Variants in PDE4D observed in about 807,000 individuals in gnomAD.
The protein encoded by PDE4D is 3',5'-cyclic-AMP phosphodiesterase 4D.
PDE4D carries 24 observed loss-of-function variants against 87.4 expected under a neutral mutation model. That is an observed-to-expected ratio of 0.27 (90% confidence interval 0.20 to 0.39). The LOEUF (loss-of-function observed/expected upper bound fraction) is 0.39. Ranked by LOEUF, PDE4D falls within the 10% of genes least tolerant of loss-of-function variation. PDE4D has a pLI of 1.00. For synonymous variants in PDE4D, 384 were observed against 383.2 expected (o/e 1.00, Z -0.02); for missense variants, 714 against 1,041.0 (o/e 0.69, Z 4.32).
intron 2 of PDE4D, among the ~76,000 whole-genome samples, chr5:60,096,010 T>C (rs1387755959): frequency 5.9e-5 from 9 of 152,154 alleles, no homozygotes; most frequent in Non-Finnish European, 1.0e-4. Context: ...GTCAGATGGA[T>C]AGATTCCAAA....
intron 2 of PDE4D, among the ~76,000 whole-genome samples, chr5:60,027,880 A>G (rs1230156801): frequency 3.9e-5 from 6 of 152,364 alleles, no homozygotes; most frequent in Non-Finnish European, 8.8e-5. Flanking sequence ...GAACTGTGCC[A>G]TCAAATAACT....
intron 1 of PDE4D, among the ~76,000 whole-genome samples, chr5:60,244,680 C>G (rs183120791): frequency 5.9e-5 from 9 of 151,910 alleles, no homozygotes; most frequent in Admixed American, 5.9e-4. Context: ...AACAACAATG[C>G]CAAGAACATA....
chr5:59,024,767 A>G (rs575452244), intron 6 of PDE4D, among the ~76,000 whole-genome samples: 1 of 152,334 alleles, frequency 6.6e-6, no homozygotes, highest in South Asian at 2.1e-4. Context: ...AAACCCAATT[A>G]TCACTTACCC....
chr5:60,100,600 AAAG>A (rs1210298527), intron 2 of PDE4D, among the ~76,000 whole-genome samples: 10 of 152,050 alleles, frequency 6.6e-5, no homozygotes, highest in African/African-American at 2.4e-4. Context: ...TTGGGAAACA[AAAG>A]AAGAATACCT....
chr5:60,263,295 T>C (rs988499756), intron 1 of PDE4D, among the ~76,000 whole-genome samples: 4 of 152,194 alleles, frequency 2.6e-5, no homozygotes, highest in African/African-American at 9.7e-5. Flanking sequence ...TTTAAAATAA[T>C]GATTTGATTT....
chr5:60,038,883 T>C (rs1296305971), intron 2 of PDE4D, among the ~76,000 whole-genome samples: 5 of 151,152 alleles, frequency 3.3e-5, no homozygotes, highest in African/African-American at 1.2e-4. Context: ...AAAACCACAA[T>C]GAGATACCAT....
intron 1 of PDE4D, among the ~76,000 whole-genome samples, chr5:60,294,395 C>T (rs896167367): frequency 2.0e-5 from 3 of 151,968 alleles, no homozygotes; most frequent in Non-Finnish European, 2.9e-5. Flanking sequence ...TACTCATTTA[C>T]GTATGTCTTT....
intron 1 of PDE4D, among the ~76,000 whole-genome samples, chr5:59,671,871 C>T (rs1747271953): frequency 6.6e-6 from 1 of 151,274 alleles, no homozygotes; most frequent in African/African-American, 2.4e-5. Flanking sequence ...ATTAAAAGCA[C>T]TACTTATGAT....
chr5:59,079,848 G>GGAGAGGAGAGGAGAGAAGAGGAGA (rs1561447222), intron 5 of PDE4D, among the ~76,000 whole-genome samples: 1 of 97,910 alleles, frequency 1.0e-5, no homozygotes, highest in African/African-American at 4.2e-5. Context: ...GGGAGAGGAG[G>GGAGAGGAGAGGAGAGAAGAGGAGA]GGAGAGGAGA....
chr5:59,350,977 C>A (rs146238743), intron 1 of PDE4D, among the ~76,000 whole-genome samples: 12 of 152,260 alleles, frequency 7.9e-5, no homozygotes, highest in South Asian at 2.1e-4. Flanking sequence ...TATAAGCCAG[C>A]TCTATTGTAC....
At chr5:59,398,065 G>C (rs1275046512) in intron 1 of PDE4D, among the ~76,000 whole-genome samples, 1 of 141,192 alleles carries the variant, frequency 7.1e-6, no homozygotes, top group Non-Finnish European at 1.5e-5. Context: ...CCAATAACAG[G>C]ATCTGAAATT....
intron 1 of PDE4D, among the ~76,000 whole-genome samples, chr5:60,423,892 G>C (rs1743379825): frequency 6.6e-6 from 1 of 152,188 alleles, no homozygotes. Context: ...ACTACCATCA[G>C]AGAATACTAT....
chr5:59,589,883 AT>A (rs1366109047), intron 1 of PDE4D, among the ~76,000 whole-genome samples: 2 of 152,192 alleles, frequency 1.3e-5, no homozygotes, highest in African/African-American at 4.8e-5. Flanking sequence ...TTGGATTTTT[AT>A]TTTTATACAT....
At chr5:59,918,069 G>A (rs1754268455) in intron 3 of PDE4D, among the ~76,000 whole-genome samples, 1 of 151,562 alleles carries the variant, frequency 6.6e-6, no homozygotes, top group Admixed American at 6.6e-5. Flanking sequence ...AAATTTGTGG[G>A]ATAAATTTGG....
intron 1 of PDE4D, among the ~76,000 whole-genome samples, chr5:59,286,107 C>T (rs1165845024): frequency 2.6e-5 from 4 of 152,098 alleles, no homozygotes; most frequent in South Asian, 2.1e-4. Context: ...ATGAGAGGAC[C>T]GAAGGGCACT....
intron 1 of PDE4D, among the ~76,000 whole-genome samples, chr5:60,280,326 A>AT (rs869212741): frequency 0.097 from 14,167 of 145,344 alleles, 932 homozygotes; most frequent in South Asian, 0.28. Flanking sequence ...ATATATATAT[A>AT]AATATATATA....
chr5:59,574,117 TAA>T (rs369822682), intron 1 of PDE4D, among the ~76,000 whole-genome samples: 39 of 3,602 alleles, frequency 0.011, no homozygotes, highest in South Asian at 0.079. Flanking sequence ...TATATATATA[TAA>T]ATATATATTT....
At chr5:59,507,971 G>T (rs558538607) in intron 1 of PDE4D, among the ~76,000 whole-genome samples, 41 of 152,098 alleles carry the variant, frequency 2.7e-4, no homozygotes, top group African/African-American at 9.9e-4. Context: ...TCCTCTTATG[G>T]TATAATTCAA....
intron 1 of PDE4D, among the ~76,000 whole-genome samples, chr5:60,395,013 A>G (rs747053186): frequency 1.3e-5 from 2 of 152,166 alleles, no homozygotes; most frequent in African/African-American, 4.8e-5. Context: ...CTAAGGCTAT[A>G]CTAATACTCC....
Sources: allele counts gnomAD v4.1 joint callset (sites outside exome capture counted in the v4.1 genomes callset), GRCh38; gene constraint gnomAD v4.1.1; transcripts MANE v1.5; gene names NCBI Gene and HGNC (gene_info 2026-07-23, HGNC 2026-07-21).